CD109: variants seen among roughly 807,000 people sequenced by gnomAD.
CD109 encodes CD109 antigen.
In CD109, 149 loss-of-function variants were observed where a neutral mutation model predicts 165.8. The observed-to-expected ratio is 0.90, with a 90% CI of 0.79 to 1.03. The LOEUF is 1.03. Among genes scored for constraint, CD109 ranks in the 50% least tolerant of loss-of-function variants. CD109 has a pLI of 0.00. For missense variants in CD109, 1,712 were observed against 1,677.8 expected (o/e 1.02, Z -0.36); for synonymous variants, 585 against 592.1 (o/e 0.99, Z 0.18).
the CD109 span, among the ~76,000 whole-genome samples, chr6:73,688,560 C>T: frequency 5.9e-5 from 9 of 152,040 alleles, no homozygotes; most frequent in Non-Finnish European, 1.2e-4. Context: ...GTCTTTTGTA[C>T]TAATGAGGTA....
chr6:73,725,504 CTTT>C (rs386407559), intron 3 of CD109, among the ~76,000 whole-genome samples: 5 of 89,430 alleles, frequency 5.6e-5, no homozygotes, highest in Non-Finnish European at 8.4e-5. Context: ...TACTACACTT[CTTT>C]TTTTTTTTTT....
At chr6:73,695,706 G>C (rs1345147424), upstream of CD109, 1 of 162,528 alleles carries the variant, frequency 6.2e-6, no homozygotes, top group Non-Finnish European at 1.3e-5. Context: ...GCGTGTGTGT[G>C]TGCGTGTGTG....
intron 2 of CD109, among the ~76,000 whole-genome samples, chr6:73,703,850 A>G (rs1771165544): frequency 2.0e-5 from 3 of 152,158 alleles, no homozygotes; most frequent in Admixed American, 2.0e-4. Context: ...TGTATTTATT[A>G]AAAAGGCTGA....
chr6:73,808,095 G>C lies in CD109; in HGVS notation c.3202G>C (p.Val1068Leu), dbSNP rs779864091. Residue 1068 changes from valine (V) to leucine (L), a missense_variant, in exon 26 of 33, where the codon GTG (valine) becomes CTG (leucine). Physicochemically the swap from Val to Leu is conservative, Grantham distance 32. Transcript: ENST00000287097. Reference protein sequence around the residue: ...GYRKYQPNIDVQESIHFLESE... With the variant: ...GYRKYQPNIDLQESIHFLESE... ...TTTTTCTTCCAAGCCTAACATTGAT[G>C]TGCAAGAGTCTATCCATTTTTTGGA... is the stretch of plus-strand genomic sequence containing the variant. 5.6e-6 allele frequency: 9 copies of C among 1,612,802 alleles called. No individual in the cohort carries two copies. In the South Asian group the frequency reaches 9.9e-5, roughly 18 times the overall value.
chr6:73,785,551 T>C (rs1208023882), intron 20 of CD109, 74 bp downstream of exon 20: 9 of 768,302 alleles, frequency 1.2e-5, no homozygotes, highest in East Asian at 2.7e-5. Context: ...GATTGGGTTG[T>C]GTAGTATCTG....
chr6:73,733,296 G>A (rs1053466915), intron 4 of CD109, among the ~76,000 whole-genome samples: 2 of 152,300 alleles, frequency 1.3e-5, no homozygotes, highest in African/African-American at 4.8e-5. Flanking sequence ...AAGTGCACCT[G>A]AGAGTTAACG....
chr6:73,719,993 G>A (rs796941571), intron 2 of CD109, among the ~76,000 whole-genome samples: 1 of 152,142 alleles, frequency 6.6e-6, no homozygotes, highest in Non-Finnish European at 1.5e-5. Context: ...AGTATAACTG[G>A]TGTATATCCA....
chr6:73,758,205 G>T (rs1253974273), intron 6 of CD109, among the ~76,000 whole-genome samples: 1 of 151,894 alleles, frequency 6.6e-6, no homozygotes, highest in Admixed American at 6.6e-5. Context: ...TGGCTTTTTT[G>T]ATACTTCTCT....
At chr6:73,792,303 T>C (rs1433301187) in intron 22 of CD109, among the ~76,000 whole-genome samples, 2 of 152,196 alleles carry the variant, frequency 1.3e-5, no homozygotes, top group South Asian at 2.1e-4. Flanking sequence ...GTATGAGTGA[T>C]GGTGTCTTAC....
chr6:73,775,206 T>A (rs928756389), intron 15 of CD109, among the ~76,000 whole-genome samples: 2 of 152,026 alleles, frequency 1.3e-5, no homozygotes, highest in African/African-American at 2.4e-5. Flanking sequence ...TATGTATATA[T>A]GTATATATGA....
chr6:73,684,191 ATTG>A, the CD109 span, among the ~76,000 whole-genome samples: 1 of 145,098 alleles, frequency 6.9e-6, no homozygotes, highest in East Asian at 2.0e-4. Flanking sequence ...GAGCCTCTGT[ATTG>A]TTTTCTCTTT....
At chr6:73,712,316 G>C (rs774779486) in intron 2 of CD109, among the ~76,000 whole-genome samples, 3 of 152,092 alleles carry the variant, frequency 2.0e-5, no homozygotes, top group Non-Finnish European at 2.9e-5. Flanking sequence ...GAAGAATGAG[G>C]AAAAAAATTT....
In CD109 at chr6:73,768,579, T is replaced by TA. The variant is rs540192739; in HGVS notation, c.1674+349dup. On this transcript the variant is annotated intron_variant, in intron 14 of 32. Coordinates refer to ENST00000287097, the MANE Select transcript of CD109 (RefSeq NM_133493.5). ...TCGTGTGGTGTTGATATTGCAGTGA[T>TA]ATAAAGGGTGTGGGAAGGAGTGAGG... Among the ~76,000 whole-genome samples the TA allele has an allele frequency of 3.0e-3, 462 of 152,278 alleles. 1 individual carries two copies. Among genetic ancestry groups the TA allele is most frequent in the African/African-American group, 0.01 (431 of 41,534 alleles).
intron 20 of CD109, among the ~76,000 whole-genome samples, chr6:73,786,427 T>A (rs1361039149): frequency 1.3e-5 from 2 of 152,082 alleles, no homozygotes; most frequent in Non-Finnish European, 2.9e-5. Context: ...TATTGGCATA[T>A]TTGGCTGACA....
At chr6:73,812,113 C>G in intron 28 of CD109, 92 bp from the exon 29 acceptor site, 2 of 733,486 alleles carry the variant, frequency 2.7e-6, no homozygotes, top group Non-Finnish European at 4.6e-6. Context: ...TGCTTCTTTT[C>G]CTAATGAGGG....
intron 4 of CD109, 133 bp downstream of exon 4, chr6:73,730,707 C>A: frequency 3.1e-6 from 2 of 642,720 alleles, no homozygotes; most frequent in Non-Finnish European, 5.4e-6. Flanking sequence ...CAACATGGAA[C>A]TCCTCTAATA....
At chr6:73,702,591 G>A (rs1397683488) in intron 2 of CD109, among the ~76,000 whole-genome samples, 3 of 152,152 alleles carry the variant, frequency 2.0e-5, no homozygotes, top group Non-Finnish European at 2.9e-5. Context: ...TAACAGGTAG[G>A]TGGTACCTGA....
chr6:73,730,452 A>G lies in CD109; in HGVS notation c.385A>G (p.Ile129Val). 1 of 1,613,526 alleles carries G rather than the reference A, an allele frequency of 6.2e-7. No individual in the cohort carries two copies. Among genetic ancestry groups the G allele is most frequent in the Non-Finnish European group, 8.5e-7 (1 of 1,179,452 alleles). ...CCGCTTATCATTTGAGACCAAGAGA[A>G]TATCTGTCTTCATTCAAACAGACAA... ...STRLSFETKR[I>V]SVFIQTDKAL... is the part of the protein sequence containing the mutation. The change falls in exon 4 of 33, where the codon ATA becomes GTA. Residue 129 changes from isoleucine to valine, a missense_variant. By Grantham distance (29) the Ile-to-Val change is conservative. Coordinates refer to ENST00000287097, the MANE Select transcript of CD109 (RefSeq NM_133493.5).
chr6:73,803,577 G>C (rs1775457493), intron 24 of CD109, among the ~76,000 whole-genome samples: 1 of 151,552 alleles, frequency 6.6e-6, no homozygotes, highest in South Asian at 2.1e-4. Flanking sequence ...TTATGATGAT[G>C]GTGCAGCTGA....
Sources: gnomAD v4.1 joint callset for allele counts (sites outside exome capture counted in the v4.1 genomes callset) on GRCh38, gnomAD v4.1.1 for gene constraint, MANE v1.5 for transcripts, NCBI Gene and HGNC (gene_info 2026-07-23, HGNC 2026-07-21) for gene names.